ACOXL: variants seen among roughly 807,000 people sequenced by gnomAD.
ACOXL encodes acyl-coenzyme A oxidase-like protein.
In ACOXL, 70 loss-of-function variants were observed where a neutral mutation model predicts 71.9. The observed-to-expected ratio is 0.97, with a 90% CI of 0.80 to 1.19. The LOEUF (loss-of-function observed/expected upper bound fraction) is 1.19. ACOXL is among the 50% of genes most tolerant of loss of function. The pLI, the probability that ACOXL is intolerant of heterozygous loss-of-function variation, is 0.00. For synonymous variants in ACOXL, 253 were observed against 281.6 expected (o/e 0.90, Z 1.02); for missense variants, 703 against 736.3 (o/e 0.95, Z 0.52).
chr2:110,945,912 C>T (rs941147493), intron 12 of ACOXL, among the ~76,000 whole-genome samples: 6 of 151,878 alleles, frequency 4.0e-5, no homozygotes, highest in Admixed American at 1.3e-4. Context: ...ATAGGAATAG[C>T]GTTGAATCTG....
chr2:110,968,645 A>G (rs1484614372), intron 12 of ACOXL: 2 of 999,212 alleles, frequency 2.0e-6, no homozygotes, highest in East Asian at 2.4e-5. Context: ...CAAAATGTCC[A>G]TTGCCCAGAA....
intron 14 of ACOXL, among the ~76,000 whole-genome samples, chr2:111,006,818 C>G (rs72946240): frequency 0.088 from 13,325 of 152,192 alleles, 723 homozygotes; most frequent in East Asian, 0.22. Flanking sequence ...CTCAGCCTCC[C>G]AAAGTGCTGG....
At chr2:111,068,006 T>TA (rs374381967) in intron 16 of ACOXL, among the ~76,000 whole-genome samples, 112 of 152,082 alleles carry the variant, frequency 7.4e-4, no homozygotes, top group African/African-American at 2.7e-3. Flanking sequence ...GTTGGGAGAA[T>TA]AAAAAATCAT....
chr2:110,963,481 G>A, intron 12 of ACOXL: 2 of 1,274,462 alleles, frequency 1.6e-6, no homozygotes, highest in South Asian at 2.8e-5. Flanking sequence ...AAATATGATT[G>A]TTTACCTCTT....
chr2:110,797,739 T>A (rs1460406350), intron 5 of ACOXL, among the ~76,000 whole-genome samples: 1 of 152,202 alleles, frequency 6.6e-6, no homozygotes, highest in African/African-American at 2.4e-5. Context: ...ACAAGCCATC[T>A]AAGGGCCCAG....
chr2:111,030,834 C>G (rs746218563), intron 14 of ACOXL, among the ~76,000 whole-genome samples: 1 of 152,184 alleles, frequency 6.6e-6, no homozygotes, highest in South Asian at 2.1e-4. Context: ...ACATTTAACT[C>G]TCCTGTCTGG....
At chr2:110,943,040 G>GAAGGAAGGAAGAAAAAA (rs2060935134) in intron 12 of ACOXL, among the ~76,000 whole-genome samples, 1 of 133,268 alleles carries the variant, frequency 7.5e-6, no homozygotes, top group Non-Finnish European at 1.6e-5. Context: ...AGGAAGGAAA[G>GAAGGAAGGAAGAAAAAA]AAGGAAGGAA....
intron 17 of ACOXL, chr2:111,100,444 G>A (rs148373217): frequency 2.2e-4 from 34 of 152,642 alleles, no homozygotes; most frequent in African/African-American, 7.0e-4. Context: ...CCAAAAACTC[G>A]TTCACTAAGA....
chr2:110,890,351 C>A (rs892530070), intron 10 of ACOXL, among the ~76,000 whole-genome samples: 1 of 152,124 alleles, frequency 6.6e-6, no homozygotes, highest in Non-Finnish European at 1.5e-5. Context: ...TCCAGCTTAT[C>A]TTTGCTTTTG....
intron 14 of ACOXL, among the ~76,000 whole-genome samples, chr2:111,016,126 G>A (rs1014733028): frequency 6.7e-5 from 10 of 148,888 alleles, no homozygotes; most frequent in Non-Finnish European, 1.5e-4. Flanking sequence ...TTTTGAGTTA[G>A]GGTCTCACTG....
chr2:110,818,421 A>ATGTG (rs1218148803), intron 9 of ACOXL, among the ~76,000 whole-genome samples: 37 of 142,538 alleles, frequency 2.6e-4, no homozygotes, highest in African/African-American at 9.3e-4. Flanking sequence ...ATATATATAT[A>ATGTG]TATGTGTGTG....
At chr2:110,936,580 A>G (rs1268607521) in intron 12 of ACOXL, among the ~76,000 whole-genome samples, 1 of 152,000 alleles carries the variant, frequency 6.6e-6, no homozygotes, top group Non-Finnish European at 1.5e-5. Flanking sequence ...CTTTTGCCTA[A>G]CCTGTCTATA....
intron 10 of ACOXL, among the ~76,000 whole-genome samples, chr2:110,856,281 C>T (rs947986487): frequency 2.6e-5 from 4 of 152,186 alleles, no homozygotes; most frequent in African/African-American, 9.7e-5. Context: ...CCATCCTGCT[C>T]CATCCCATCC....
chr2:110,886,302 G>T (rs1573991393), intron 10 of ACOXL, among the ~76,000 whole-genome samples: 1 of 151,752 alleles, frequency 6.6e-6, no homozygotes, highest in East Asian at 1.9e-4. Context: ...CGGCCACATT[G>T]CACAGGCATT....
chr2:110,831,077 A>T (rs1381289821), intron 9 of ACOXL, among the ~76,000 whole-genome samples: 5 of 152,192 alleles, frequency 3.3e-5, no homozygotes, highest in Admixed American at 6.5e-5. Context: ...ACTGGGAACA[A>T]GGCAAGGATG....
chr2:110,784,201 C>A (rs192270828), intron 2 of ACOXL, among the ~76,000 whole-genome samples: 1 of 151,802 alleles, frequency 6.6e-6, no homozygotes, highest in Non-Finnish European at 1.5e-5. Flanking sequence ...CCAGGATGAT[C>A]GTTTGAGCCC....
At chr2:110,819,648 A>G (rs867907794) in intron 9 of ACOXL, among the ~76,000 whole-genome samples, 1 of 152,218 alleles carries the variant, frequency 6.6e-6, no homozygotes, top group African/African-American at 2.4e-5. Context: ...TGGTAATCCT[A>G]TAGAAATCAT....
intron 17 of ACOXL, among the ~76,000 whole-genome samples, chr2:111,096,757 G>A (rs930092669): frequency 6.6e-6 from 1 of 152,124 alleles, no homozygotes; most frequent in African/African-American, 2.4e-5. Flanking sequence ...TAATGTGTAA[G>A]ATGTACATGA....
At chr2:111,016,897 C>T (rs1447191924) in intron 14 of ACOXL, among the ~76,000 whole-genome samples, 3 of 144,638 alleles carry the variant, frequency 2.1e-5, no homozygotes, top group Admixed American at 6.9e-5. Flanking sequence ...GGAAGCAGGG[C>T]CCCAGCAAGA....
Sources: allele counts gnomAD v4.1 joint callset (sites outside exome capture counted in the v4.1 genomes callset), GRCh38; gene constraint gnomAD v4.1.1; transcripts MANE v1.5; gene names NCBI Gene and HGNC (gene_info 2026-07-23, HGNC 2026-07-21).